MTUS2: variants seen among roughly 807,000 people sequenced by gnomAD.
MTUS2 encodes microtubule associated scaffold protein 2, also known as microtubule-associated tumor suppressor candidate 2.
In MTUS2, 40 loss-of-function variants were observed where a neutral mutation model predicts 114.1. That is an observed-to-expected ratio of 0.35 (90% confidence interval 0.27 to 0.46). The LOEUF is 0.46. Among genes scored for constraint, MTUS2 ranks in the 20% least tolerant of loss-of-function variants. The pLI is 1.00. For synonymous variants in MTUS2, 688 were observed against 672.0 expected, an observed-to-expected ratio of 1.02 and a Z score of -0.37; for missense variants, 1,679 against 1,705.4, an observed-to-expected ratio of 0.98 and a Z score of 0.27.
intron 2 of MTUS2, among the ~76,000 whole-genome samples, chr13:28,901,336 G>A (rs779910309): frequency 9.2e-5 from 14 of 152,034 alleles, no homozygotes; most frequent in Admixed American, 3.9e-4. Flanking sequence ...CCTTGACAGC[G>A]TCTTTCACTG....
intron 2 of MTUS2, among the ~76,000 whole-genome samples, chr13:28,881,640 GT>G (rs200812668): frequency 2.7e-4 from 41 of 151,938 alleles, no homozygotes; most frequent in African/African-American, 7.0e-4. Flanking sequence ...AATATCTGCT[GT>G]TTTTTTTATC....
chr13:29,305,252 C>T (rs1024158060), intron 6 of MTUS2, among the ~76,000 whole-genome samples: 1 of 151,846 alleles, frequency 6.6e-6, no homozygotes, highest in Non-Finnish European at 1.5e-5. Context: ...CAAATAGACC[C>T]CAAAGCTAGC....
At chr13:29,490,528 A>T (rs1351808388) in intron 11 of MTUS2, among the ~76,000 whole-genome samples, 1 of 152,252 alleles carries the variant, frequency 6.6e-6, no homozygotes, top group Non-Finnish European at 1.5e-5. Context: ...TAACTCTTAC[A>T]TGACATCTCT....
chr13:29,394,007 G>A (rs1295298023), intron 8 of MTUS2, among the ~76,000 whole-genome samples: 1 of 152,170 alleles, frequency 6.6e-6, no homozygotes. Flanking sequence ...GCCCTAAACA[G>A]TTTTCAGCTT....
chr13:29,349,535 G>A (rs149634796), intron 7 of MTUS2, among the ~76,000 whole-genome samples: 74 of 150,680 alleles, frequency 4.9e-4, no homozygotes, highest in African/African-American at 1.7e-3. Context: ...TTTTTCTTCT[G>A]CCTGAAGGAC....
chr13:29,360,450 A>G (rs1870130786), intron 8 of MTUS2, among the ~76,000 whole-genome samples: 1 of 151,820 alleles, frequency 6.6e-6, no homozygotes, highest in Non-Finnish European at 1.5e-5. Context: ...TTTTGTTGTT[A>G]TTATTTTTGT....
intron 5 of MTUS2, among the ~76,000 whole-genome samples, chr13:29,111,806 T>TGG (rs1358835087): frequency 6.6e-6 from 1 of 152,072 alleles, no homozygotes; most frequent in African/African-American, 2.4e-5. Flanking sequence ...ATAATTTATA[T>TGG]GGTTATGTCA....
chr13:29,263,982 A>G (rs1381814017), intron 5 of MTUS2, among the ~76,000 whole-genome samples: 3 of 152,208 alleles, frequency 2.0e-5, no homozygotes, highest in Admixed American at 6.5e-5. Flanking sequence ...TAACATCACT[A>G]AAAAAGTCCA....
At chr13:29,492,870 A>T (rs1051594026) in intron 12 of MTUS2, 151 bp downstream of exon 12, 1 of 652,838 alleles carries the variant, frequency 1.5e-6, no homozygotes, top group Non-Finnish European at 2.6e-6. Flanking sequence ...GCTACTCTTA[A>T]GAAATGTGCT....
chr13:28,902,980 T>G (rs1226202019), intron 2 of MTUS2, among the ~76,000 whole-genome samples: 1 of 152,278 alleles, frequency 6.6e-6, no homozygotes, highest in Admixed American at 6.5e-5. Context: ...TTTTACCTGA[T>G]GAATTAAACT....
intron 4 of MTUS2, among the ~76,000 whole-genome samples, chr13:29,098,384 T>C (rs1890264893): frequency 6.6e-6 from 1 of 152,124 alleles, no homozygotes; most frequent in Admixed American, 6.5e-5. Flanking sequence ...ATAGGTACCA[T>C]TAGATTTACA....
chr13:29,455,092 A>C (rs942465150), intron 9 of MTUS2, among the ~76,000 whole-genome samples: 3 of 152,188 alleles, frequency 2.0e-5, no homozygotes, highest in Non-Finnish European at 4.4e-5. Context: ...GTGTCCAGGT[A>C]GTGGCTGCCA....
chr13:29,149,298 T>C (rs1406173915), intron 5 of MTUS2, among the ~76,000 whole-genome samples: 1 of 152,232 alleles, frequency 6.6e-6, no homozygotes, highest in African/African-American at 2.4e-5. Flanking sequence ...TTTTTTCTTA[T>C]GTTTGTTGGC....
rs1881747209 is a variant in MTUS2, at chr13:29,487,905, A to G, written c.3405A>G (p.Glu1135=). 2 of 1,613,412 alleles carry G rather than the reference A, an allele frequency of 1.2e-6. No individual in the cohort carries two copies. Among genetic ancestry groups the G allele is most frequent in the Non-Finnish European group, 1.7e-6 (2 of 1,179,548 alleles). Residue 1135 remains glutamate, a synonymous_variant, in exon 11 of 16, where the codon GAA becomes GAG. Coordinates refer to ENST00000612955, the MANE Select transcript of MTUS2 (RefSeq NM_001033602.4). ...TAACTGCGACTCTCCTCCAGGTGGAAGATCTCACCGCCAGCCATGATGCTG... is the reference window on the plus strand; with the variant it reads ...TAACTGCGACTCTCCTCCAGGTGGAGGATCTCACCGCCAGCCATGATGCTG... ...SIRCQHQEQV[E]DLTASHDAAL... is the part of the protein sequence containing the mutation.
intron 6 of MTUS2, among the ~76,000 whole-genome samples, chr13:29,282,505 G>A (rs919141377): frequency 3.3e-5 from 5 of 152,194 alleles, no homozygotes; most frequent in South Asian, 4.1e-4. Flanking sequence ...AGAAAGTGCC[G>A]AGGCAGCATC....
intron 7 of MTUS2, among the ~76,000 whole-genome samples, chr13:29,345,153 G>A (rs79687870): frequency 0.041 from 6,289 of 152,082 alleles, 401 homozygotes; most frequent in African/African-American, 0.14. Context: ...GATCTTTTGC[G>A]ATAAATTTCC....
chr13:29,185,622 G>A (rs1894191670), intron 5 of MTUS2, among the ~76,000 whole-genome samples: 1 of 152,158 alleles, frequency 6.6e-6, no homozygotes, highest in Admixed American at 6.5e-5. Flanking sequence ...AAAGCAGTGG[G>A]ATGACATATT....
At chr13:29,439,256 C>G (rs1272354228) in intron 8 of MTUS2, among the ~76,000 whole-genome samples, 3 of 152,148 alleles carry the variant, frequency 2.0e-5, no homozygotes, top group Non-Finnish European at 2.9e-5. Context: ...CTCAATAACG[C>G]AGATTACAAA....
chr13:29,258,789 C>G (rs535679273), intron 5 of MTUS2, among the ~76,000 whole-genome samples: 30 of 150,194 alleles, frequency 2.0e-4, no homozygotes, highest in African/African-American at 7.3e-4. Context: ...CTGACCCACT[C>G]TTTCCTTTCT....
Sources: allele counts gnomAD v4.1 joint callset (sites outside exome capture counted in the v4.1 genomes callset), GRCh38; gene constraint gnomAD v4.1.1; transcripts MANE v1.5; gene names NCBI Gene and HGNC (gene_info 2026-07-23, HGNC 2026-07-21).